SNX29: variants seen among roughly 807,000 people sequenced by gnomAD.
SNX29 encodes the protein sorting nexin-29.
A neutral mutation model predicts 102.1 loss-of-function variants in SNX29; 78 were observed. That is an observed-to-expected ratio of 0.76 (90% CI 0.64 to 0.92). SNX29 has a LOEUF of 0.92. Ranked by LOEUF, SNX29 falls within the 40% of genes least tolerant of loss-of-function variation. The pLI, the probability that SNX29 is intolerant of heterozygous loss-of-function variation, is 0.00. For synonymous variants in SNX29, 580 were observed against 414.5 expected (o/e 1.40, Z -4.85); for missense variants, 1,280 against 1,061.7 (o/e 1.21, Z -2.86).
intron 19 of SNX29, among the ~76,000 whole-genome samples, chr16:12,524,425 T>G (rs1567652956): frequency 6.6e-6 from 1 of 151,884 alleles, no homozygotes; most frequent in Non-Finnish European, 1.5e-5. Flanking sequence ...TCGGCACATT[T>G]TGGTGCCCCA....
chr16:12,492,197 T>C (rs1021458094), intron 19 of SNX29, among the ~76,000 whole-genome samples: 8 of 152,224 alleles, frequency 5.3e-5, no homozygotes, highest in African/African-American at 1.9e-4. Flanking sequence ...ACCTGTTGTT[T>C]CCTGACTTTT....
intron 13 of SNX29, among the ~76,000 whole-genome samples, chr16:12,159,294 T>C (rs1045542881): frequency 1.3e-5 from 2 of 152,212 alleles, no homozygotes; most frequent in Non-Finnish European, 2.9e-5. Context: ...CCTTCCATTC[T>C]TTCAGAGACG....
chr16:12,293,821 A>G (rs1214043846), intron 15 of SNX29, among the ~76,000 whole-genome samples: 2 of 152,252 alleles, frequency 1.3e-5, no homozygotes, highest in African/African-American at 4.8e-5. Flanking sequence ...AATGATTGTT[A>G]AAATCCTTAT....
At chr16:12,298,484 C>T (rs1040815655) in intron 15 of SNX29, among the ~76,000 whole-genome samples, 2 of 152,182 alleles carry the variant, frequency 1.3e-5, no homozygotes, top group African/African-American at 2.4e-5. Context: ...TTATTAACCT[C>T]TCTGAGCCTC....
chr16:12,136,168 G>A (rs1286161486), intron 13 of SNX29, among the ~76,000 whole-genome samples: 6 of 152,200 alleles, frequency 3.9e-5, no homozygotes, highest in East Asian at 1.9e-4. Context: ...TGGTATGGCC[G>A]GGGCCATTCT....
chr16:12,251,202 C>A (rs1336243871), intron 14 of SNX29, among the ~76,000 whole-genome samples: 1 of 152,228 alleles, frequency 6.6e-6, no homozygotes, highest in Non-Finnish European at 1.5e-5. Context: ...CTTGGTTCAT[C>A]TGTAAAGTGG....
intron 14 of SNX29, among the ~76,000 whole-genome samples, chr16:12,275,842 T>A (rs1394018480): frequency 1.3e-5 from 2 of 151,704 alleles, no homozygotes; most frequent in Non-Finnish European, 2.9e-5. Context: ...TCTGGGTACT[T>A]ACCATATTCA....
At chr16:12,349,936 C>CA (rs1321421222) in intron 15 of SNX29, among the ~76,000 whole-genome samples, 4 of 152,064 alleles carry the variant, frequency 2.6e-5, no homozygotes, top group Non-Finnish European at 5.9e-5. Context: ...GCTAAATCAC[C>CA]AAAAAACAGT....
intron 14 of SNX29, among the ~76,000 whole-genome samples, chr16:12,209,506 TTGAG>T (rs1181001846): frequency 6.6e-6 from 1 of 152,156 alleles, no homozygotes; most frequent in Admixed American, 6.5e-5. Context: ...GTTCAAGAGT[TTGAG>T]TGACCACCTG....
At chr16:12,193,535 C>T (rs543320760) in intron 13 of SNX29, among the ~76,000 whole-genome samples, 5 of 151,734 alleles carry the variant, frequency 3.3e-5, no homozygotes, top group South Asian at 2.1e-4. Flanking sequence ...CTACTCTGGA[C>T]GATGCTTTTA....
intron 19 of SNX29, among the ~76,000 whole-genome samples, chr16:12,484,284 G>T (rs2088118593): frequency 6.6e-6 from 1 of 152,162 alleles, no homozygotes. Context: ...AAAGTGCTGG[G>T]ATTACAGACA....
At chr16:12,002,744 T>C (rs2056331190) in intron 2 of SNX29, among the ~76,000 whole-genome samples, 1 of 152,198 alleles carries the variant, frequency 6.6e-6, no homozygotes, top group African/African-American at 2.4e-5. Context: ...AGCAATGTTT[T>C]CCCACAAGGC....
At chr16:12,246,325 C>A (rs1450837255) in intron 14 of SNX29, among the ~76,000 whole-genome samples, 1 of 151,892 alleles carries the variant, frequency 6.6e-6, no homozygotes, top group Admixed American at 6.6e-5. Flanking sequence ...AGTGCTAATG[C>A]CCTCAATGTC....
chr16:12,249,940 G>A (rs1231730235), intron 14 of SNX29, among the ~76,000 whole-genome samples: 1 of 152,212 alleles, frequency 6.6e-6, no homozygotes, highest in African/African-American at 2.4e-5. Context: ...TGTGATACAG[G>A]AGAATCCCTT....
intron 13 of SNX29, among the ~76,000 whole-genome samples, chr16:12,151,466 A>AG (rs1178585398): frequency 2.0e-5 from 3 of 152,176 alleles, no homozygotes; most frequent in South Asian, 2.1e-4. Context: ...CACTGTACTC[A>AG]GAAAAAAAAG....
chr16:12,103,784 A>G (rs547354272), intron 11 of SNX29, among the ~76,000 whole-genome samples: 35 of 152,356 alleles, frequency 2.3e-4, no homozygotes, highest in Middle Eastern at 6.8e-3. Flanking sequence ...AATTTTTGCA[A>G]TCTATCCATC....
intron 15 of SNX29, among the ~76,000 whole-genome samples, chr16:12,345,813 ACCT>A (rs2081782534): frequency 1.3e-5 from 2 of 151,772 alleles, no homozygotes; most frequent in South Asian, 4.2e-4. Context: ...CTCTCCTCCC[ACCT>A]CCTCTCCCAC....
intron 11 of SNX29, among the ~76,000 whole-genome samples, chr16:12,107,118 C>G (rs1017766405): frequency 3.9e-5 from 6 of 152,200 alleles, no homozygotes; most frequent in African/African-American, 7.2e-5. Flanking sequence ...GCACATGGCC[C>G]TGCATCACTT....
intron 20 of SNX29, among the ~76,000 whole-genome samples, chr16:12,535,407 A>G (rs1470907257): frequency 6.6e-6 from 1 of 152,206 alleles, no homozygotes; most frequent in Non-Finnish European, 1.5e-5. Context: ...AAGTGCTGGG[A>G]TTACATGAGC....
Sources: allele counts gnomAD v4.1 joint callset (sites outside exome capture counted in the v4.1 genomes callset), GRCh38; gene constraint gnomAD v4.1.1; transcripts MANE v1.5; gene names NCBI Gene and HGNC (gene_info 2026-07-23, HGNC 2026-07-21).